Variants in PPM1B observed in about 807,000 individuals in gnomAD.
PPM1B encodes protein phosphatase, Mg2+/Mn2+ dependent 1B, also known as protein phosphatase 1B.
In PPM1B, 22 loss-of-function variants were observed where a neutral mutation model predicts 43.0. The ratio of observed to expected loss-of-function variants is 0.51; its 90% CI spans 0.37 to 0.73. The LOEUF (loss-of-function observed/expected upper bound fraction) is 0.73. PPM1B is among the 30% of genes least tolerant of loss of function. The pLI is 0.00. For synonymous variants in PPM1B, 217 were observed against 197.9 expected (o/e 1.10, Z -0.81); for missense variants, 632 against 584.2 (o/e 1.08, Z -0.84).
At chr2:44,185,038 A>G (rs1202527753) in intron 1 of PPM1B, among the ~76,000 whole-genome samples, 1 of 150,902 alleles carries the variant, frequency 6.6e-6, no homozygotes, top group African/African-American at 2.4e-5. Context: ...ATATTTTGAT[A>G]ATGACTTTAA....
At chr2:44,178,475 T>TATATA (rs1491152402) in intron 1 of PPM1B, among the ~76,000 whole-genome samples, 22 of 23,950 alleles carry the variant, frequency 9.2e-4, no homozygotes, top group African/African-American at 1.2e-3. Context: ...TATATATATA[T>TATATA]TTTTTTTTTT....
chr2:44,229,429 T>G (rs555698141), intron 5 of PPM1B, among the ~76,000 whole-genome samples: 3 of 152,306 alleles, frequency 2.0e-5, no homozygotes, highest in Non-Finnish European at 4.4e-5. Context: ...TAAACAAGTC[T>G]TTAATCAGTC....
intron 3 of PPM1B, among the ~76,000 whole-genome samples, chr2:44,212,331 C>G (rs928700146): frequency 6.6e-6 from 1 of 152,142 alleles, no homozygotes; most frequent in African/African-American, 2.4e-5. Context: ...ACAAATCTGT[C>G]ACGGCTAACT....
chr2:44,214,811 G>T (rs1304557396), intron 3 of PPM1B, among the ~76,000 whole-genome samples: 2 of 152,178 alleles, frequency 1.3e-5, no homozygotes, highest in Non-Finnish European at 2.9e-5. Context: ...TAGTCAGAAA[G>T]AACTCAAGAG....
intron 1 of PPM1B, among the ~76,000 whole-genome samples, chr2:44,179,973 C>T (rs371609663): frequency 6.8e-6 from 1 of 146,854 alleles, no homozygotes; most frequent in Non-Finnish European, 1.5e-5. Flanking sequence ...CCTACCATTG[C>T]ACCACAGCCT....
rs1667183861 is a variant in PPM1B at position 44,169,120 on chromosome 2, G to A, written c.-169G>A. 1.8e-5 allele frequency: 3 copies of A among 171,222 alleles called. No homozygotes were observed. In the South Asian group the frequency reaches 2.5e-4, roughly 14 times the overall value. 10.6% of individuals were successfully genotyped at this position (171,222 alleles called of 1,614,324 possible). A position where few individuals can be genotyped will look rare whatever the true frequency, so the allele number is the denominator to read the frequency against. ...ATCGGCGGCGGCGGCGGCGTGAGGG[G>A]CCGGGCGGTGTAAACAGCCCCGGAG... is the stretch of plus-strand genomic sequence containing the variant. On this transcript the variant is annotated 5_prime_UTR_variant, in exon 1 of 6. Transcript: ENST00000282412.
At chr2:44,233,424 C>G, downstream of PPM1B, 1 of 980,776 alleles carries the variant, frequency 1.0e-6, no homozygotes, top group Non-Finnish European at 1.2e-6. Flanking sequence ...TTTACAGTAA[C>G]CTTGAATTCT....
intron 2 of PPM1B, among the ~76,000 whole-genome samples, chr2:44,205,838 AT>A (rs959349333): frequency 4.0e-4 from 61 of 152,304 alleles, no homozygotes; most frequent in African/African-American, 1.4e-3. Context: ...GGAAATTATC[AT>A]TTTCCAAAGG....
intron 3 of PPM1B, among the ~76,000 whole-genome samples, chr2:44,216,410 C>T (rs1192315999): frequency 6.6e-6 from 1 of 152,020 alleles, no homozygotes; most frequent in Non-Finnish European, 1.5e-5. Flanking sequence ...TGTTGAGAAG[C>T]CTTATACTAT....
At chr2:44,195,186 C>G (rs1007187792) in intron 1 of PPM1B, among the ~76,000 whole-genome samples, 1 of 150,990 alleles carries the variant, frequency 6.6e-6, no homozygotes, top group Non-Finnish European at 1.5e-5. Context: ...AGCCACCCCA[C>G]CTGGCCTTTT....
At chr2:44,232,424 G>T (rs1670495164), downstream of PPM1B, 1 of 1,583,266 alleles carries the variant, frequency 6.3e-7, no homozygotes, top group African/African-American at 1.4e-5. Context: ...TTCAATACAA[G>T]GGGAAAATAT....
intron 1 of PPM1B, among the ~76,000 whole-genome samples, chr2:44,172,400 G>A (rs1380227065): frequency 6.6e-6 from 1 of 152,102 alleles, no homozygotes; most frequent in African/African-American, 2.4e-5. Flanking sequence ...TTTAATTTTT[G>A]TAGTTTGTAG....
chr2:44,188,393 C>CTTTTTTTTTTTT (rs67959948), intron 1 of PPM1B, among the ~76,000 whole-genome samples: 17 of 92,292 alleles, frequency 1.8e-4, no homozygotes, highest in Non-Finnish European at 2.5e-4. Context: ...TTCTTTCTTT[C>CTTTTTTTTTTTT]TTTTTTTTTT....
At chr2:44,216,511 A>T (rs956824959) in intron 3 of PPM1B, among the ~76,000 whole-genome samples, 1 of 152,234 alleles carries the variant, frequency 6.6e-6, no homozygotes, top group Admixed American at 6.5e-5. Flanking sequence ...GTGGGAGTAT[A>T]TAGCATTATG....
At chr2:44,187,349 A>T (rs375778878) in intron 1 of PPM1B, among the ~76,000 whole-genome samples, 1 of 152,148 alleles carries the variant, frequency 6.6e-6, no homozygotes, top group African/African-American at 2.4e-5. Flanking sequence ...CTTGGCTGTT[A>T]TGCATAATAT....
In PPM1B at chr2:44,231,416, T is replaced by G; in HGVS notation, c.*698T>G. On this transcript the variant is annotated 3_prime_UTR_variant, in exon 6 of 6. Coordinates refer to ENST00000282412, the MANE Select transcript of PPM1B (RefSeq NM_002706.6). ...TCAAAATGTATGTCAACCAAGTGTTTAGAATGAAATTATAAGTGTTTAAGT... is the reference window on the plus strand; with the variant it reads ...TCAAAATGTATGTCAACCAAGTGTTGAGAATGAAATTATAAGTGTTTAAGT... The G allele has an allele frequency of 2.1e-6, 2 of 974,708 alleles. No individual in the cohort carries two copies. Among genetic ancestry groups the G allele is most frequent in the South Asian group, 9.5e-5 (2 of 21,040 alleles). The allele number at this position is 974,708 out of a possible 1,614,324, so 60.4% of individuals were successfully genotyped here.
At chr2:44,229,048 G>A (rs1045609244) in intron 5 of PPM1B, among the ~76,000 whole-genome samples, 3 of 151,940 alleles carry the variant, frequency 2.0e-5, no homozygotes, top group African/African-American at 7.3e-5. Flanking sequence ...CGGGCATGGT[G>A]TCACATGCCT....
intron 3 of PPM1B, among the ~76,000 whole-genome samples, chr2:44,212,765 CTT>C (rs988680971): frequency 3.5e-4 from 54 of 152,246 alleles, no homozygotes; most frequent in Admixed American, 3.3e-3. Flanking sequence ...AATCCCAGCA[CTT>C]TGGGAGACCG....
chr2:44,203,011 C>G (rs1474632576), intron 2 of PPM1B, among the ~76,000 whole-genome samples: 1 of 152,106 alleles, frequency 6.6e-6, no homozygotes, highest in African/African-American at 2.4e-5. Flanking sequence ...CTTATTTATT[C>G]TGTCTAGATT....
Sources: gnomAD v4.1 joint callset for allele counts (sites outside exome capture counted in the v4.1 genomes callset) on GRCh38, gnomAD v4.1.1 for gene constraint, MANE v1.5 for transcripts, NCBI Gene and HGNC (gene_info 2026-07-23, HGNC 2026-07-21) for gene names.